Variants in MKS1 observed in about 807,000 individuals in gnomAD.
The protein encoded by MKS1 is MKS transition zone complex subunit 1, also known as tectonic-like complex member MKS1.
In MKS1, 70 loss-of-function variants were observed where a neutral mutation model predicts 83.7. The ratio of observed to expected loss-of-function variants is 0.84; its 90% CI spans 0.69 to 1.02. The LOEUF (loss-of-function observed/expected upper bound fraction) is 1.02. Among genes scored for constraint, MKS1 ranks in the 50% least tolerant of loss-of-function variants. The probability of loss-of-function intolerance (pLI) is 0.00; values close to 1 mark genes in which losing one functional copy is unlikely to be tolerated. For missense variants in MKS1, 681 were observed against 726.9 expected (o/e 0.94, Z 0.73); for synonymous variants, 251 against 273.4 (o/e 0.92, Z 0.81).
chr17:58,216,097 A>C lies in MKS1; in HGVS notation c.408T>G (p.Asn136Lys). ...CTAGAAAGAACAATACCTCCTCCAA[A>C]TTGGTGTATCTATCAGAGTCAGTGT... ...FTYTDSDRYT[N>K]LEEHCQRMTT... The change falls in exon 4 of 18, where the codon AAT becomes AAG. Residue 136 changes from asparagine (N) to lysine (K), a missense_variant. Asn to Lys is a moderately conservative substitution (Grantham distance 94, BLOSUM62 0). Coordinates refer to ENST00000393119, the MANE Select transcript of MKS1 (RefSeq NM_017777.4). 2 of 1,614,146 alleles carry C rather than the reference A, an allele frequency of 1.2e-6. No homozygotes were observed. The highest frequency in any genetic ancestry group is 1.7e-6 in the Non-Finnish European group (2 of 1,179,996).
At chr17:58,208,205 G>C in intron 12 of MKS1, 31 bp from the exon 13 acceptor site, 1 of 1,553,946 alleles carries the variant, frequency 6.4e-7, no homozygotes, top group Non-Finnish European at 8.9e-7. Context: ...GGGTGGGCAA[G>C]GCCTCCCTTG....
At chr17:58,219,054 G>T in intron 1 of MKS1, 97 bp downstream of exon 1, 3 of 1,490,576 alleles carry the variant, frequency 2.0e-6, no homozygotes, top group Non-Finnish European at 2.7e-6. Context: ...GGTCGGGATT[G>T]TAAGCAGAAA....
At chr17:58,206,635 A>T in intron 15 of MKS1, 88 bp from the exon 16 acceptor site, 1 of 1,304,402 alleles carries the variant, frequency 7.7e-7, no homozygotes. Context: ...TCTTATTCCC[A>T]TTCTTGGGAA....
intron 15 of MKS1, 95 bp from the exon 16 acceptor site, chr17:58,206,642 G>A: frequency 2.4e-6 from 3 of 1,250,882 alleles, no homozygotes; most frequent in Non-Finnish European, 3.4e-6. Context: ...CCCATTCTTG[G>A]GAAGCGCAGT....
intron 2 of MKS1, 138 bp from the exon 3 acceptor site, chr17:58,216,874 C>T: frequency 1.2e-6 from 1 of 828,246 alleles, no homozygotes; most frequent in Non-Finnish European, 2.0e-6. Context: ...AGTAAGCACT[C>T]AACCTAGAGA....
intron 2 of MKS1, 46 bp from the exon 3 acceptor site, chr17:58,216,782 C>T (rs186900191): frequency 3.1e-5 from 49 of 1,580,746 alleles, no homozygotes; most frequent in Non-Finnish European, 3.2e-5. Context: ...CAAACCAGCA[C>T]CACTTCTTGT....
chr17:58,208,770 G>A (rs998857574), intron 11 of MKS1, among the ~76,000 whole-genome samples, 187 bp from the exon 12 acceptor site: 1 of 151,788 alleles, frequency 6.6e-6, no homozygotes, highest in Non-Finnish European at 1.5e-5. Context: ...AGATAAACAC[G>A]TGAACAAAGG....
rs1440792737 is a variant in MKS1 at position 58,216,191 on chromosome 17, T to G, written c.314A>C (p.Tyr105Ser). Residue 105 changes from tyrosine (Y) to serine (S), a missense_variant, in exon 4 of 18, where the codon TAT (tyrosine) becomes TCT (serine). By Grantham distance (144) the Tyr-to-Ser change is moderately radical (BLOSUM62 -2). Coordinates refer to ENST00000393119, the MANE Select transcript of MKS1 (RefSeq NM_017777.4). ...NETACQSPLDYQYRQEILKLE... is the reference protein window; with the variant it reads ...NETACQSPLDSQYRQEILKLE... ...CTTCAGGATCTCCTGACGGTACTGA[T>G]AATCCAAAGGACTCTGACAGGCTGT... 6 of 1,613,986 alleles carry G rather than the reference T, an allele frequency of 3.7e-6. No individual in the cohort carries two copies. Among genetic ancestry groups the G allele is most frequent in the Non-Finnish European group, 5.1e-6 (6 of 1,180,016 alleles).
intron 10 of MKS1, 31 bp from the exon 11 acceptor site, chr17:58,210,755 T>A: frequency 6.2e-7 from 1 of 1,608,530 alleles, no homozygotes; most frequent in Non-Finnish European, 8.5e-7. Flanking sequence ...CTATTTTAGC[T>A]TTTTCTCCTA....
rs1231989780 is a variant in MKS1 at position 58,206,660 on chromosome 17, G to A, written c.1408-113C>T. The A allele has an allele frequency of 1.3e-5, 14 of 1,084,704 alleles. No homozygotes were observed. The East Asian group carries it at 2.8e-4, about 22-fold the overall frequency. 67.2% of individuals were successfully genotyped at this position (1,084,704 alleles called of 1,614,324 possible). A position where few individuals can be genotyped will look rare whatever the true frequency, so the allele number is the denominator to read the frequency against. On this transcript the variant is annotated intron_variant, in intron 15 of 17. Transcript: ENST00000393119. ...ATTCTTGGGAAGCGCAGTTCTGTTG[G>A]GGAAACCTTATTCCATCACCCAGAC... is the stretch of plus-strand genomic sequence containing the variant.
In MKS1 at chr17:58,206,325, G is replaced by A; in HGVS notation, c.1546C>T (p.Leu516=). Residue 516 remains leucine, a synonymous_variant, in exon 17 of 18, where the codon CTG becomes TTG. Transcript: ENST00000393119. ...QKRMRSVLDR[L]EGFSQQSSIH... The stretch of plus-strand genomic sequence containing the variant: ...GAACTCTGCTGGCTGAACCCTTCCA[G>A]ACGGTCCAACACACTCCGCATCCTT... 6.2e-7 allele frequency: 1 copy of A among 1,614,082 alleles called. No individual in the cohort carries two copies. The highest frequency in any genetic ancestry group is 8.5e-7 in the Non-Finnish European group (1 of 1,180,002).
At chr17:58,218,410 T>C (rs1969369654) in intron 2 of MKS1, 1 of 401,130 alleles carries the variant, frequency 2.5e-6, no homozygotes, top group Non-Finnish European at 4.3e-6. Context: ...ATAGCGACAC[T>C]GCACTTCAGC....
intron 13 of MKS1, 21 bp downstream of exon 13, chr17:58,208,084 A>T (rs778294008): frequency 6.2e-7 from 1 of 1,611,182 alleles, no homozygotes; most frequent in Non-Finnish European, 8.5e-7. Context: ...AAGGCCCAGG[A>T]TCAACTGCTG....
At chr17:58,206,197 G>A (rs1968494060) in intron 17 of MKS1, 27 bp from the exon 18 acceptor site, 1 of 1,613,956 alleles carries the variant, frequency 6.2e-7, no homozygotes, top group Non-Finnish European at 8.5e-7. Context: ...TATGCTATTT[G>A]GCTGCCATAT....
At position 58,207,213 on chromosome 17, in the gene MKS1, G is replaced by A. The variant is rs141741656; in HGVS notation, c.1279C>T (p.His427Tyr). ...CTCCACGTGGAGACTGTCAGGGTGT[G>A]TGAGCCTGCGCAAGGGAAGAGAAGA... ...AVVLPATPGS[H>Y]TLTVSTWRPV... The change falls in exon 15 of 18, where the codon CAC becomes TAC. Residue 427 changes from histidine (H) to tyrosine (Y), a missense_variant. Transcript: ENST00000393119. 1.2e-5 allele frequency: 19 copies of A among 1,614,078 alleles called. No homozygotes were observed. The highest frequency in any genetic ancestry group is 1.7e-4 in the Middle Eastern group (1 of 5,980).
rs35184412 is a variant in MKS1, at chr17:58,206,004, G to A, written c.*75C>T. 153,118 of 1,550,200 alleles carry A rather than the reference G, an allele frequency of 0.099. 7,827 individuals are homozygous for A. The highest frequency in any genetic ancestry group is 0.11 in the South Asian group (9,504 of 84,558). ...CAACGTGGTCTCTAATCAGAAAGACGAAGAGGCAGGAGAGCACTGGCCTCA... is the reference window on the plus strand; with the variant it reads ...CAACGTGGTCTCTAATCAGAAAGACAAAGAGGCAGGAGAGCACTGGCCTCA... On this transcript the variant is annotated 3_prime_UTR_variant, in exon 18 of 18. Coordinates refer to ENST00000393119, the MANE Select transcript of MKS1 (RefSeq NM_017777.4).
intron 9 of MKS1, 139 bp downstream of exon 9, chr17:58,212,239 A>C: frequency 1.0e-6 from 1 of 991,704 alleles, no homozygotes; most frequent in Admixed American, 1.8e-5. Context: ...AACAAGGACT[A>C]TATGTGCTAT....
chr17:58,206,118 C>T lies in MKS1; in HGVS notation c.1641G>A (p.Pro547=), dbSNP rs758334200. Residue 547 remains proline (P), a synonymous_variant, in exon 18 of 18, where the codon CCG becomes CCA. Transcript: ENST00000393119. Reference sequence around the variant, plus strand: ...TTCCAGAGGGGCTCACTAGGTCCTGCGGGAGGCTTTCCCGGGCCTCCTGCA... The same window carrying T: ...TTCCAGAGGGGCTCACTAGGTCCTGTGGGAGGCTTTCCCGGGCCTCCTGCA... ...RRMQEARESL[P]QDLVSPSGTL... is the part of the protein sequence containing the mutation. The T allele has an allele frequency of 1.5e-5, 24 of 1,613,214 alleles. No individual in the cohort carries two copies. The highest frequency in any genetic ancestry group is 4.0e-5 in the African/African-American group (3 of 74,900).
At chr17:58,216,553 G>T in intron 3 of MKS1, 113 bp downstream of exon 3, 2 of 1,202,892 alleles carry the variant, frequency 1.7e-6, no homozygotes, top group Non-Finnish European at 2.4e-6. Flanking sequence ...CACAACAGGG[G>T]AAAGTATAAA....
Sources: allele counts gnomAD v4.1 joint callset (sites outside exome capture counted in the v4.1 genomes callset), GRCh38; gene constraint gnomAD v4.1.1; transcripts MANE v1.5; gene names NCBI Gene and HGNC (gene_info 2026-07-23, HGNC 2026-07-21).